Variants in RTN3 observed in about 807,000 individuals in gnomAD.
RTN3 encodes reticulon-3.
A neutral mutation model predicts 77.8 loss-of-function variants in RTN3; 49 were observed. That is an observed-to-expected ratio of 0.63 (90% CI 0.50 to 0.80). RTN3 has a LOEUF of 0.80. RTN3 is among the 30% of genes least tolerant of loss of function. The pLI is 0.00. For synonymous variants in RTN3, 464 were observed against 446.9 expected, an observed-to-expected ratio of 1.04 and a Z score of -0.48; for missense variants, 1,236 against 1,211.9, an observed-to-expected ratio of 1.02 and a Z score of -0.29.
Position 63,720,389 on chromosome 11 carries a change from G to T in RTN3, c.1887G>T (p.Val629=), listed in dbSNP as rs370587694. 3.1e-6 allele frequency: 5 copies of T among 1,613,846 alleles called. No homozygotes were observed. Among genetic ancestry groups the T allele is most frequent in the Non-Finnish European group, 4.2e-6 (5 of 1,179,992 alleles). ...ATGAGACAGAATTCTCATTAAATGT[G>T]ACAACATCTGCCTATTTGGAGTCAT... ...VFNETEFSLN[V]TTSAYLESLH... Residue 629 remains valine, a synonymous_variant, in exon 3 of 9, where the codon GTG becomes GTT. Transcript: ENST00000377819.
At chr11:63,740,262 C>G (rs974404205) in intron 3 of RTN3, among the ~76,000 whole-genome samples, 7 of 151,638 alleles carry the variant, frequency 4.6e-5, no homozygotes, top group African/African-American at 1.7e-4. Context: ...TAATAAGGCC[C>G]CTTCTAACCT....
At chr11:63,713,975 T>C (rs1238496001) in intron 2 of RTN3, 2 of 517,752 alleles carry the variant, frequency 3.9e-6, no homozygotes, top group Non-Finnish European at 7.7e-6. Flanking sequence ...TGCCAGGTAC[T>C]GACTTGGGCA....
chr11:63,713,065 AG>A (rs1271995975), intron 2 of RTN3, among the ~76,000 whole-genome samples: 1 of 152,160 alleles, frequency 6.6e-6, no homozygotes, highest in African/African-American at 2.4e-5. Flanking sequence ...ATTGCACTCC[AG>A]CCTGGGCAAA....
Position 63,681,728 on chromosome 11 carries a change from C to A in RTN3, c.92C>A (p.Pro31Gln), listed in dbSNP as rs11551945. 3 of 1,609,242 alleles carry A rather than the reference C, an allele frequency of 1.9e-6. No individual in the cohort carries two copies. The highest frequency in any genetic ancestry group is 2.5e-6 in the Non-Finnish European group (3 of 1,178,484). ...EPSAPGGGGSPGACPALGTKS... is the reference protein window; with the variant it reads ...EPSAPGGGGSQGACPALGTKS... Reference sequence around the variant, plus strand: ...TCCGCGCCCGGCGGCGGCGGGAGCCCAGGAGCCTGCCCCGCCCTGGGGACG... The same window carrying A: ...TCCGCGCCCGGCGGCGGCGGGAGCCAAGGAGCCTGCCCCGCCCTGGGGACG... Residue 31 changes from proline to glutamine, a missense_variant, in exon 1 of 9, where the codon CCA (proline) becomes CAA (glutamine). Pro to Gln is a moderately conservative substitution (Grantham distance 76). Coordinates refer to ENST00000377819, the MANE Select transcript of RTN3 (RefSeq NM_001265589.2).
intron 3 of RTN3, among the ~76,000 whole-genome samples, chr11:63,723,512 C>T (rs780030507): frequency 1.8e-4 from 28 of 151,800 alleles, no homozygotes; most frequent in Middle Eastern, 3.4e-3. Flanking sequence ...CAACCTCCAC[C>T]TCCAGGGTTC....
At chr11:63,686,376 CAGG>C (rs1033273487) in intron 1 of RTN3, among the ~76,000 whole-genome samples, 1 of 149,536 alleles carries the variant, frequency 6.7e-6, no homozygotes, top group Admixed American at 6.8e-5. Flanking sequence ...GAGGCTGAGG[CAGG>C]AGAATGGCGT....
chr11:63,684,739 T>C (rs951645563), intron 1 of RTN3, among the ~76,000 whole-genome samples: 1 of 152,206 alleles, frequency 6.6e-6, no homozygotes, highest in African/African-American at 2.4e-5. Context: ...ATTTACGAGC[T>C]AGAAAGGCAC....
At chr11:63,717,127 G>A (rs2011463077) in intron 2 of RTN3, among the ~76,000 whole-genome samples, 1 of 151,766 alleles carries the variant, frequency 6.6e-6, no homozygotes, top group African/African-American at 2.4e-5. Flanking sequence ...TGTACCACTG[G>A]CACTCCAGCC....
chr11:63,744,240 C>CAAAAAAAAA (rs71468642), intron 3 of RTN3, among the ~76,000 whole-genome samples: 5 of 63,622 alleles, frequency 7.9e-5, no homozygotes, highest in African/African-American at 3.9e-4. Context: ...GACTCTGTCT[C>CAAAAAAAAA]AAAAAAAAAA....
chr11:63,724,275 C>T (rs1260694303), intron 3 of RTN3, among the ~76,000 whole-genome samples: 5 of 148,572 alleles, frequency 3.4e-5, no homozygotes, highest in South Asian at 4.3e-4. Context: ...CTCTGCCTCC[C>T]GGGTTCACGC....
At chr11:63,738,298 GA>G (rs1441493336) in intron 3 of RTN3, among the ~76,000 whole-genome samples, 2 of 151,978 alleles carry the variant, frequency 1.3e-5, no homozygotes, top group Non-Finnish European at 1.5e-5. Flanking sequence ...CAAGTTTTAA[GA>G]AACTGTTGCA....
intron 3 of RTN3, among the ~76,000 whole-genome samples, chr11:63,721,450 CTGTAG>C (rs2011793735): frequency 6.6e-6 from 1 of 151,798 alleles, no homozygotes; most frequent in Non-Finnish European, 1.5e-5. Flanking sequence ...TGGCGGGCGC[CTGTAG>C]TCCCAGCTGC....
chr11:63,688,122 C>A (rs1335057566), intron 1 of RTN3, among the ~76,000 whole-genome samples: 2 of 151,906 alleles, frequency 1.3e-5, no homozygotes, highest in Non-Finnish European at 2.9e-5. Flanking sequence ...AGCACAGAGG[C>A]AAGCATACAG....
chr11:63,692,897 C>A (rs1941739755), intron 1 of RTN3, among the ~76,000 whole-genome samples: 1 of 152,132 alleles, frequency 6.6e-6, no homozygotes, highest in African/African-American at 2.4e-5. Context: ...AAATTTGTCA[C>A]AATTTGTCAC....
At chr11:63,705,677 C>T (rs181843197) in intron 2 of RTN3, among the ~76,000 whole-genome samples, 14 of 152,324 alleles carry the variant, frequency 9.2e-5, no homozygotes, top group Middle Eastern at 3.4e-3. Context: ...ATCTGAGACA[C>T]GTCATAAAAG....
At chr11:63,706,411 G>A (rs1308352614) in intron 2 of RTN3, among the ~76,000 whole-genome samples, 1 of 152,002 alleles carries the variant, frequency 6.6e-6, no homozygotes, top group Non-Finnish European at 1.5e-5. Context: ...GGCTGGTCTC[G>A]AACTCCTCAG....
At chr11:63,754,790 G>T (rs2014283262) in intron 7 of RTN3, among the ~76,000 whole-genome samples, 1 of 150,774 alleles carries the variant, frequency 6.6e-6, no homozygotes, top group Non-Finnish European at 1.5e-5. Context: ...AGCCAGGCAT[G>T]GTGGCGGGCG....
chr11:63,736,394 A>G (rs1288838228), intron 3 of RTN3, among the ~76,000 whole-genome samples: 1 of 152,146 alleles, frequency 6.6e-6, no homozygotes, highest in South Asian at 2.1e-4. Context: ...AAACAATAAA[A>G]AATAATATAA....
intron 1 of RTN3, among the ~76,000 whole-genome samples, chr11:63,684,989 A>G (rs1432714978): frequency 6.7e-6 from 1 of 148,704 alleles, no homozygotes; most frequent in South Asian, 2.2e-4. Flanking sequence ...TGAACTCCTG[A>G]CCTCAAGTGA....
Sources: allele counts gnomAD v4.1 joint callset (sites outside exome capture counted in the v4.1 genomes callset), GRCh38; gene constraint gnomAD v4.1.1; transcripts MANE v1.5; gene names NCBI Gene and HGNC (gene_info 2026-07-23, HGNC 2026-07-21).